BTBD16: variants seen among roughly 807,000 people sequenced by gnomAD.
BTBD16 encodes the protein BTB domain containing 16.
Under a neutral mutation model 67.4 loss-of-function variants are expected in BTBD16, and 66 were observed. That is an observed-to-expected ratio of 0.98 (90% CI 0.80 to 1.20). The LOEUF (loss-of-function observed/expected upper bound fraction) is 1.20. BTBD16 is among the 50% of genes most tolerant of loss of function. The pLI is 0.00. For synonymous variants in BTBD16, 242 were observed against 236.4 expected (o/e 1.02, Z -0.22); for missense variants, 634 against 616.0 (o/e 1.03, Z -0.31).
intron 9 of BTBD16, among the ~76,000 whole-genome samples, chr10:122,306,486 G>C (rs2096403901): frequency 6.6e-6 from 1 of 152,226 alleles, no homozygotes; most frequent in Non-Finnish European, 1.5e-5. Context: ...CATTGCAGCT[G>C]CGGGGCAGTT....
At chr10:122,307,379 C>A (rs554057496) in intron 10 of BTBD16, 71 bp downstream of exon 10, 13 of 1,406,602 alleles carry the variant, frequency 9.2e-6, no homozygotes, top group Non-Finnish European at 1.1e-5. Context: ...CATAATATCA[C>A]GGGGGAAAAC....
chr10:122,297,791 G>A lies in BTBD16; in HGVS notation c.614G>A (p.Arg205Lys). The change falls in exon 8 of 16, where the codon AGA becomes AAA. Residue 205 changes from arginine to lysine, a missense_variant. Transcript: ENST00000260723. ...AGGTGCGTGGATGTGATGATAGCCA[G>A]ACTCAAGCCAAGCACCATCAAGAAA... Reference protein sequence around the residue: ...FQRCVDVMIARLKPSTIKKFY... With the variant: ...FQRCVDVMIAKLKPSTIKKFY... 6.2e-7 allele frequency: 1 copy of A among 1,614,192 alleles called. No homozygotes were observed. Among genetic ancestry groups the A allele is most frequent in the Non-Finnish European group, 8.5e-7 (1 of 1,180,026 alleles).
chr10:122,318,116 C>T (rs1440452420), intron 10 of BTBD16, among the ~76,000 whole-genome samples: 2 of 152,172 alleles, frequency 1.3e-5, no homozygotes, highest in East Asian at 3.9e-4. Context: ...TTTTTCAGTC[C>T]TGTCTTTTCA....
chr10:122,289,616 T>C (rs1282251677), intron 5 of BTBD16, among the ~76,000 whole-genome samples: 1 of 152,078 alleles, frequency 6.6e-6, no homozygotes, highest in Non-Finnish European at 1.5e-5. Context: ...AGCATGCCTA[T>C]AATCCCAGCT....
chr10:122,304,623 C>T (rs564622690), intron 9 of BTBD16, among the ~76,000 whole-genome samples: 2 of 141,752 alleles, frequency 1.4e-5, no homozygotes, highest in African/African-American at 5.3e-5. Context: ...GGCGTGATCT[C>T]TGCTCACTGC....
intron 10 of BTBD16, among the ~76,000 whole-genome samples, chr10:122,311,680 C>T (rs2096413951): frequency 6.6e-6 from 1 of 152,200 alleles, no homozygotes; most frequent in African/African-American, 2.4e-5. Context: ...CAGAAAGGTG[C>T]ATGAACCTTA....
rs193110967 is a variant in BTBD16, at chr10:122,317,409, A to C, written c.911+10101A>C. Among the ~76,000 whole-genome samples the C allele has an allele frequency of 5.5e-3, 839 of 152,184 alleles. 3 individuals carry two copies. The highest frequency in any genetic ancestry group is 0.017 in the Middle Eastern group (5 of 294). Reference sequence around the variant, plus strand: ...ATGCCTGTAATCCCAACACTTTGGGAGGCCGAGGCTGGTGGATCATGAGGT... The same window carrying C: ...ATGCCTGTAATCCCAACACTTTGGGCGGCCGAGGCTGGTGGATCATGAGGT... On this transcript the variant is annotated intron_variant, in intron 10 of 15. Transcript: ENST00000260723.
At chr10:122,290,551 C>G (rs1326248507) in intron 6 of BTBD16, among the ~76,000 whole-genome samples, 1 of 152,128 alleles carries the variant, frequency 6.6e-6, no homozygotes, top group Non-Finnish European at 1.5e-5. Context: ...GGCCATTTGT[C>G]GCCAGAGGAC....
chr10:122,295,051 C>T (rs1479208915), intron 7 of BTBD16, among the ~76,000 whole-genome samples: 7 of 152,236 alleles, frequency 4.6e-5, no homozygotes, highest in Non-Finnish European at 7.3e-5. Context: ...AAAAGGCCTC[C>T]ACCTGTCCCT....
At chr10:122,317,664 C>A (rs28788906) in intron 10 of BTBD16, among the ~76,000 whole-genome samples, 2 of 150,984 alleles carry the variant, frequency 1.3e-5, no homozygotes, top group East Asian at 2.0e-4. Context: ...CACAAAAAAA[C>A]AAAAAAAACA....
At chr10:122,293,242 T>G (rs1246353752) in intron 7 of BTBD16, among the ~76,000 whole-genome samples, 1 of 152,258 alleles carries the variant, frequency 6.6e-6, no homozygotes, top group Non-Finnish European at 1.5e-5. Context: ...AGACATTAGC[T>G]GCTCTGCAGA....
intron 6 of BTBD16, 36 bp downstream of exon 6, chr10:122,290,034 T>C: frequency 1.4e-6 from 2 of 1,385,268 alleles, no homozygotes; most frequent in South Asian, 1.2e-5. Context: ...GAGAATGCCA[T>C]TGAACAAATG....
chr10:122,332,524 C>G lies in BTBD16; in HGVS notation c.1164+11C>G. On this transcript the variant is annotated intron_variant, in intron 13 of 15. Coordinates refer to ENST00000260723, the MANE Select transcript of BTBD16 (RefSeq NM_144587.5). ...CTGCTCTTTAACCAGGTACTGAGAA[C>G]TGTACCCGAACAAGGGGAAGAACTG... 6.2e-7 allele frequency: 1 copy of G among 1,608,946 alleles called. No individual in the cohort carries two copies. The highest frequency in any genetic ancestry group is 8.5e-7 in the Non-Finnish European group (1 of 1,175,446).
rs906814834 is a variant in BTBD16, at chr10:122,312,314, T to C, written c.911+5006T>C. Among the ~76,000 whole-genome samples, 11 of 28,438 alleles carry C rather than the reference T, an allele frequency of 3.9e-4. 1 individual carries two copies. The highest frequency in any genetic ancestry group is 0.018 in the East Asian group (2 of 114). 18.7% of individuals were successfully genotyped at this position (28,438 alleles called of 152,430 possible). ...TCACTTTTCTTTTTCTTTTTCTTTT[T>C]TTTTTTTTTTTTTTTTTTGAGACAG... On this transcript the variant is annotated intron_variant, in intron 10 of 15. Coordinates refer to ENST00000260723, the MANE Select transcript of BTBD16 (RefSeq NM_144587.5).
chr10:122,315,057 T>A (rs185017698), intron 10 of BTBD16, among the ~76,000 whole-genome samples: 2,089 of 152,314 alleles, frequency 0.014, 15 homozygotes, highest in Non-Finnish European at 0.02. Context: ...GAAAATCCCC[T>A]TCTATTTCTA....
At chr10:122,332,644 G>C in intron 13 of BTBD16, 131 bp downstream of exon 13, 1 of 1,057,804 alleles carries the variant, frequency 9.5e-7, no homozygotes, top group Non-Finnish European at 1.3e-6. Flanking sequence ...GAGAACCACA[G>C]GTGTCTCTCC....
intron 1 of BTBD16, among the ~76,000 whole-genome samples, chr10:122,272,716 T>C (rs1314471052): frequency 7.2e-6 from 1 of 138,810 alleles, no homozygotes; most frequent in African/African-American, 2.9e-5. Context: ...CAGGACATAT[T>C]TTCATACTAA....
At chr10:122,284,549 T>C (rs1450210504) in intron 4 of BTBD16, among the ~76,000 whole-genome samples, 2 of 152,156 alleles carry the variant, frequency 1.3e-5, no homozygotes. Context: ...AGTCATGACT[T>C]GGACGTTCAC....
At chr10:122,277,705 A>G (rs1276606168) in intron 3 of BTBD16, among the ~76,000 whole-genome samples, 1 of 152,098 alleles carries the variant, frequency 6.6e-6, no homozygotes, top group African/African-American at 2.4e-5. Flanking sequence ...GGGAACTAAG[A>G]GAGTAAGAAC....
Sources: allele counts gnomAD v4.1 joint callset (sites outside exome capture counted in the v4.1 genomes callset), GRCh38; gene constraint gnomAD v4.1.1; transcripts MANE v1.5; gene names NCBI Gene and HGNC (gene_info 2026-07-23, HGNC 2026-07-21).